The following MGAT5 variants were observed in gnomAD, a reference collection of about 807,000 sequenced individuals.
The protein encoded by MGAT5 is alpha-1,6-mannosylglycoprotein 6-beta-N-acetylglucosaminyltransferase.
MGAT5 carries 30 observed loss-of-function variants against 94.3 expected under a neutral mutation model. That is an observed-to-expected ratio of 0.32 (90% confidence interval 0.24 to 0.43). MGAT5 has a LOEUF of 0.43. Among genes scored for constraint, MGAT5 ranks in the 20% least tolerant of loss-of-function variants. The probability of loss-of-function intolerance (pLI) is 1.00; values close to 1 mark genes in which losing one functional copy is unlikely to be tolerated. For missense variants in MGAT5, 691 were observed against 905.5 expected, an observed-to-expected ratio of 0.76 and a Z score of 3.04; for synonymous variants, 310 against 322.9, an observed-to-expected ratio of 0.96 and a Z score of 0.43.
intron 1 of MGAT5, among the ~76,000 whole-genome samples, chr2:134,161,671 C>G (rs1687740682): frequency 1.3e-5 from 2 of 152,148 alleles, no homozygotes; most frequent in Admixed American, 6.6e-5. Flanking sequence ...GGGGGCTTTT[C>G]ATGGGGTTGT....
chr2:134,417,706 C>CT (rs777673394), intron 12 of MGAT5, among the ~76,000 whole-genome samples: 1 of 151,956 alleles, frequency 6.6e-6, no homozygotes, highest in Non-Finnish European at 1.5e-5. Context: ...CTCTTTTAGT[C>CT]TTTTCTCTGT....
At chr2:134,423,689 T>G (rs1414972936) in intron 13 of MGAT5, among the ~76,000 whole-genome samples, 8 of 152,178 alleles carry the variant, frequency 5.3e-5, no homozygotes, top group Admixed American at 5.2e-4. Flanking sequence ...GCACACAGTG[T>G]GGGTTCAGTT....
At chr2:134,138,921 G>A (rs551771319) in intron 1 of MGAT5, among the ~76,000 whole-genome samples, 2 of 152,302 alleles carry the variant, frequency 1.3e-5, no homozygotes, top group African/African-American at 2.4e-5. Flanking sequence ...GGTACAGATT[G>A]GGGGTTAAAT....
intron 1 of MGAT5, among the ~76,000 whole-genome samples, chr2:134,185,692 T>C (rs1688974810): frequency 6.6e-6 from 1 of 152,216 alleles, no homozygotes; most frequent in South Asian, 2.1e-4. Context: ...AGAATAGAGC[T>C]TTCCCAATTT....
chr2:134,178,707 AGGGAAAGAACTTGAAT>A, intron 1 of MGAT5, among the ~76,000 whole-genome samples: 1 of 152,226 alleles, frequency 6.6e-6, no homozygotes, highest in African/African-American at 2.4e-5. Flanking sequence ...AGATTGCTCT[AGGGAAAGAACTTGAAT>A]TCTTGATTCC....
chr2:134,254,886 A>G (rs746036503), intron 1 of MGAT5, among the ~76,000 whole-genome samples: 1 of 152,196 alleles, frequency 6.6e-6, no homozygotes, highest in East Asian at 1.9e-4. Context: ...TTAGGGCTCT[A>G]TTGGTTGTGT....
rs115408718 is a variant in MGAT5, at chr2:134,208,128, G to A, written c.-142-46134G>A. 9.9e-3 allele frequency among the ~76,000 whole-genome samples: 1,502 copies of A among 151,950 alleles called. 24 individuals carry two copies. Among genetic ancestry groups the A allele is most frequent in the African/African-American group, 0.035 (1,448 of 41,390 alleles). ...ACAGCACATAGAATCAGAGTTTTCA[G>A]ACTCTTGGCCGAACTTTTTTTTTTT... On this transcript the variant is annotated intron_variant, in intron 1 of 16. Coordinates refer to the MGAT5 transcript ENST00000409645.
At chr2:134,272,238 A>T (rs1684073585) in intron 2 of MGAT5, among the ~76,000 whole-genome samples, 1 of 152,238 alleles carries the variant, frequency 6.6e-6, no homozygotes, top group Admixed American at 6.5e-5. Context: ...TACCAGCCGT[A>T]TGTATTGAGC....
Position 134,345,043 on chromosome 2 carries a change from G to T in MGAT5, c.1091G>T (p.Gly364Val), listed in dbSNP as rs1688840121. The T allele has an allele frequency of 6.2e-7, 1 of 1,613,250 alleles. No individual in the cohort carries two copies. The highest frequency in any genetic ancestry group is 8.5e-7 in the Non-Finnish European group (1 of 1,179,592). ...VGLAQFKKTL[G>V]PSWVHYQCML... ...CTTGCTCAATTCAAGAAAACTCTTG[G>T]ACCATCCTGGGTTCATTACCAGTAA... is the stretch of plus-strand genomic sequence containing the variant. Residue 364 changes from glycine (G) to valine (V), a missense_variant, in exon 8 of 16, where the codon GGA becomes GTA. Gly to Val is a moderately radical substitution (Grantham distance 109). Around this residue, in one of 4 missense-constraint regions of MGAT5, gnomAD observed 121 missense variants for 206.1 expected, o/e 0.59. Coordinates refer to ENST00000281923, the MANE Select transcript of MGAT5 (RefSeq NM_002410.5).
At chr2:134,425,926 C>T (rs1241110549) in intron 13 of MGAT5, among the ~76,000 whole-genome samples, 1 of 151,090 alleles carries the variant, frequency 6.6e-6, no homozygotes, top group Non-Finnish European at 1.5e-5. Context: ...AGCAGGATGC[C>T]CAAGAATACT....
chr2:134,289,141 CCTCAAGGTCTCTG>C (rs1290170309), intron 2 of MGAT5, among the ~76,000 whole-genome samples: 1 of 152,236 alleles, frequency 6.6e-6, no homozygotes, highest in East Asian at 1.9e-4. Context: ...CAGACTTACT[CCTCAAGGTCTCTG>C]CTTGCCCTAT....
At chr2:134,356,507 C>CT (rs1679751111) in intron 9 of MGAT5, among the ~76,000 whole-genome samples, 1 of 152,126 alleles carries the variant, frequency 6.6e-6, no homozygotes, top group Non-Finnish European at 1.5e-5. Flanking sequence ...TGTGGGATGT[C>CT]TAAGTCTCTG....
intron 1 of MGAT5, among the ~76,000 whole-genome samples, chr2:134,184,215 CG>C (rs372970280): frequency 1.1e-4 from 17 of 152,300 alleles, no homozygotes; most frequent in African/African-American, 4.1e-4. Flanking sequence ...GTATCTGAGA[CG>C]GGAAATGGAT....
At chr2:134,291,149 A>G (rs1214557722) in intron 2 of MGAT5, among the ~76,000 whole-genome samples, 2 of 152,182 alleles carry the variant, frequency 1.3e-5, no homozygotes, top group East Asian at 3.8e-4. Context: ...GAAGGTGTGT[A>G]GTGGACTAAA....
At chr2:134,143,809 T>A (rs886719707) in intron 1 of MGAT5, among the ~76,000 whole-genome samples, 1 of 152,200 alleles carries the variant, frequency 6.6e-6, no homozygotes, top group African/African-American at 2.4e-5. Flanking sequence ...CTGGTACTAT[T>A]GAACCGCCTG....
chr2:134,445,263 G>C (rs1004546889), intron 15 of MGAT5, among the ~76,000 whole-genome samples: 2 of 152,128 alleles, frequency 1.3e-5, no homozygotes, highest in Non-Finnish European at 2.9e-5. Context: ...AAGGGCAGAA[G>C]TCATCCAGGG....
At chr2:134,298,537 T>C (rs1410954893) in intron 2 of MGAT5, among the ~76,000 whole-genome samples, 2 of 152,204 alleles carry the variant, frequency 1.3e-5, no homozygotes, top group Non-Finnish European at 2.9e-5. Flanking sequence ...TCAGAGGAGC[T>C]GTTAGGGCAG....
chr2:134,259,651 G>A (rs1214036705), intron 1 of MGAT5, among the ~76,000 whole-genome samples: 1 of 152,152 alleles, frequency 6.6e-6, no homozygotes, highest in Non-Finnish European at 1.5e-5. Flanking sequence ...TCCAGGTTCT[G>A]TGTGCCTGTT....
intron 5 of MGAT5, among the ~76,000 whole-genome samples, chr2:134,336,581 A>G (rs1688347173): frequency 6.6e-6 from 1 of 152,082 alleles, no homozygotes; most frequent in Admixed American, 6.6e-5. Flanking sequence ...GCAAATAATG[A>G]CCATCTCTGT....
Sources: allele counts gnomAD v4.1 joint callset (sites outside exome capture counted in the v4.1 genomes callset), GRCh38; gene constraint gnomAD v4.1.1; regional missense constraint gnomAD v4.1.1; transcripts MANE v1.5; gene names NCBI Gene and HGNC (gene_info 2026-07-23, HGNC 2026-07-21).